The following DDX19B variants were observed in gnomAD, a reference collection of about 807,000 sequenced individuals.
DDX19B encodes DEAD-box helicase 19B, also known as ATP-dependent RNA helicase DDX19B.
In DDX19B, 27 loss-of-function variants were observed where a neutral mutation model predicts 58.1. The observed-to-expected ratio is 0.46, with a 90% CI of 0.34 to 0.64. The LOEUF (loss-of-function observed/expected upper bound fraction) is 0.64, where lower values mean the gene tolerates loss of function less well. Among genes scored for constraint, DDX19B ranks in the 30% least tolerant of loss-of-function variants. The probability of loss-of-function intolerance (pLI) is 0.01; values close to 1 mark genes in which losing one functional copy is unlikely to be tolerated. For synonymous variants in DDX19B, 187 were observed against 214.4 expected (o/e 0.87, Z 1.12); for missense variants, 399 against 596.5 (o/e 0.67, Z 3.45).
At chr16:70,312,988 A>G (rs897058270) in intron 2 of DDX19B, among the ~76,000 whole-genome samples, 5 of 151,216 alleles carry the variant, frequency 3.3e-5, no homozygotes, top group Non-Finnish European at 7.4e-5. Flanking sequence ...GACTACAGGC[A>G]CAACCCACTA....
intron 3 of DDX19B, 64 bp downstream of exon 3, chr16:70,315,019 T>C (rs1015387912): frequency 1.7e-5 from 26 of 1,555,146 alleles, no homozygotes; most frequent in East Asian, 2.3e-5. Flanking sequence ...TGGATTGTTA[T>C]GAGGCTTCAT....
intron 5 of DDX19B, among the ~76,000 whole-genome samples, chr16:70,322,530 A>G (rs998359850): frequency 6.2e-5 from 9 of 146,274 alleles, no homozygotes; most frequent in Non-Finnish European, 1.0e-4. Flanking sequence ...TGGCGGTTGC[A>G]GTGAACTGAG....
intron 1 of DDX19B, among the ~76,000 whole-genome samples, chr16:70,308,857 A>C (rs543386645): frequency 1.3e-5 from 2 of 151,036 alleles, no homozygotes; most frequent in Non-Finnish European, 2.9e-5. Context: ...CAGGATGTGC[A>C]TGTTTGTTAC....
At chr16:70,302,479 G>A (rs921940949) in intron 1 of DDX19B, among the ~76,000 whole-genome samples, 5 of 151,960 alleles carry the variant, frequency 3.3e-5, no homozygotes, top group African/African-American at 1.2e-4. Flanking sequence ...TCATAAAATG[G>A]AATCATATAT....
chr16:70,298,505 C>T (rs1027989131), upstream of DDX19B, among the ~76,000 whole-genome samples: 3 of 151,108 alleles, frequency 2.0e-5, no homozygotes, highest in Non-Finnish European at 2.9e-5. Flanking sequence ...TTATTTTTTT[C>T]CTAGACAGAG....
At chr16:70,296,302 C>G (rs1393613914), upstream of DDX19B, among the ~76,000 whole-genome samples, 1 of 147,912 alleles carries the variant, frequency 6.8e-6, no homozygotes, top group Non-Finnish European at 1.5e-5. Context: ...CACCTGGCCA[C>G]ATTTTTTTTT....
At chr16:70,327,689 G>C (rs1157273390) in intron 7 of DDX19B, among the ~76,000 whole-genome samples, 1 of 152,046 alleles carries the variant, frequency 6.6e-6, no homozygotes. Flanking sequence ...GAGCCACTAG[G>C]CCAGGACTGA....
chr16:70,316,261 G>A, intron 4 of DDX19B, 157 bp downstream of exon 4: 9 of 1,046,416 alleles, frequency 8.6e-6, no homozygotes, highest in Non-Finnish European at 1.2e-5. Flanking sequence ...CCAGGCTGGA[G>A]TGCAGTAGCG....
At chr16:70,308,248 C>T (rs147428612) in intron 1 of DDX19B, among the ~76,000 whole-genome samples, 1,666 of 150,220 alleles carry the variant, frequency 0.011, 25 homozygotes, top group African/African-American at 0.038. Flanking sequence ...CCACCACACC[C>T]GGTCTATTTA....
At chr16:70,314,359 A>G (rs1268739669) in intron 2 of DDX19B, among the ~76,000 whole-genome samples, 1 of 152,062 alleles carries the variant, frequency 6.6e-6, no homozygotes, top group African/African-American at 2.4e-5. Context: ...GACCTAGAAT[A>G]GGAAAGAATA....
chr16:70,300,257 G>T (rs1428185019), intron 1 of DDX19B, among the ~76,000 whole-genome samples: 1 of 151,858 alleles, frequency 6.6e-6, no homozygotes, highest in Non-Finnish European at 1.5e-5. Flanking sequence ...CCAGGCTAGG[G>T]TGCAGTGGAG....
chr16:70,293,597 A>ATTT (rs71151182), upstream of DDX19B, among the ~76,000 whole-genome samples: 210 of 76,994 alleles, frequency 2.7e-3, 6 homozygotes, highest in African/African-American at 6.2e-3. Flanking sequence ...GGATGGCTGA[A>ATTT]TTTTTTTTTT....
chr16:70,316,410 A>T (rs1381214978), intron 4 of DDX19B, among the ~76,000 whole-genome samples: 1 of 152,074 alleles, frequency 6.6e-6, no homozygotes, highest in African/African-American at 2.4e-5. Flanking sequence ...GGGTTTCACT[A>T]TGTTGGCCAG....
intron 1 of DDX19B, among the ~76,000 whole-genome samples, chr16:70,310,423 C>T (rs936565489): frequency 6.6e-6 from 1 of 151,542 alleles, no homozygotes; most frequent in African/African-American, 2.4e-5. Flanking sequence ...TGCCTGTAGT[C>T]TCAGCTACTT....
chr16:70,328,776 G>A (rs1963313615), intron 7 of DDX19B, among the ~76,000 whole-genome samples: 2 of 151,950 alleles, frequency 1.3e-5, no homozygotes, highest in Non-Finnish European at 1.5e-5. Flanking sequence ...TACCTTTTCA[G>A]CATTTTTGTC....
At chr16:70,294,805 G>A, upstream of DDX19B, 1 of 1,438,200 alleles carries the variant, frequency 7.0e-7, no homozygotes. Flanking sequence ...CCAGTGCCAA[G>A]AGCAGCGGTT....
chr16:70,333,917 C>T lies in DDX19B; in HGVS notation c.*335C>T, dbSNP rs1385422108. On this transcript the variant is annotated 3_prime_UTR_variant, in exon 12 of 12. Coordinates refer to ENST00000288071, the MANE Select transcript of DDX19B (RefSeq NM_007242.7). ...TGCCCAGGATCTCCTGTGGCAGCCT[C>T]TGCTTGTTCTCTGGCTTGGAGTGGA... 10 of 396,434 alleles carry T rather than the reference C, an allele frequency of 2.5e-5. No homozygotes were observed. The highest frequency in any genetic ancestry group is 4.7e-5 in the Non-Finnish European group (10 of 214,878). 24.6% of individuals were successfully genotyped at this position (396,434 alleles called of 1,614,324 possible). A position where few individuals can be genotyped will look rare whatever the true frequency, so the allele number is the denominator to read the frequency against.
Position 70,324,704 on chromosome 16 carries a change from T to G in DDX19B, c.492+17T>G, listed in dbSNP as rs372229796. The G allele has an allele frequency of 1.3e-5, 21 of 1,601,958 alleles. No individual in the cohort carries two copies. The highest frequency in any genetic ancestry group is 1.7e-5 in the Non-Finnish European group (20 of 1,174,366). On this transcript the variant is annotated intron_variant, in intron 6 of 11. Coordinates refer to ENST00000288071, the MANE Select transcript of DDX19B (RefSeq NM_007242.7). ...TACCCCCAGGTAAGGATTTATGAATTTAGGTTTTCTACTAATGCATAGATA... is the reference window on the plus strand; with the variant it reads ...TACCCCCAGGTAAGGATTTATGAATGTAGGTTTTCTACTAATGCATAGATA...
chr16:70,325,930 C>G (rs1963119868), intron 7 of DDX19B, among the ~76,000 whole-genome samples: 1 of 152,164 alleles, frequency 6.6e-6, no homozygotes, highest in South Asian at 2.1e-4. Flanking sequence ...TATGGATACC[C>G]TTTTATCACA....
Sources: allele counts gnomAD v4.1 joint callset (sites outside exome capture counted in the v4.1 genomes callset), GRCh38; gene constraint gnomAD v4.1.1; transcripts MANE v1.5; gene names NCBI Gene and HGNC (gene_info 2026-07-23, HGNC 2026-07-21).